FSIP1: variants seen among roughly 807,000 people sequenced by gnomAD.
FSIP1 encodes the protein fibrous sheath-interacting protein 1.
FSIP1 carries 65 observed loss-of-function variants against 60.9 expected under a neutral mutation model. The observed-to-expected ratio is 1.07, with a 90% CI of 0.87 to 1.31. The LOEUF is 1.31. Among genes scored for constraint, FSIP1 ranks in the 40% most tolerant of loss-of-function variants. The pLI is 0.00. For synonymous variants in FSIP1, 209 were observed against 221.2 expected (o/e 0.94, Z 0.49); for missense variants, 675 against 665.5 (o/e 1.01, Z -0.16).
chr15:39,606,804 T>C (rs1157311240), intron 11 of FSIP1, among the ~76,000 whole-genome samples: 1 of 152,240 alleles, frequency 6.6e-6, no homozygotes, highest in African/African-American at 2.4e-5. Flanking sequence ...CTTTATTTTA[T>C]GAATTTCTGT....
chr15:39,603,448 G>A (rs1441971826), intron 11 of FSIP1, among the ~76,000 whole-genome samples: 5 of 152,228 alleles, frequency 3.3e-5, no homozygotes, highest in African/African-American at 1.2e-4. Flanking sequence ...AGGCAGCACT[G>A]GCTAAGGAAC....
chr15:39,648,970 T>C (rs1356022691), intron 10 of FSIP1, among the ~76,000 whole-genome samples: 1 of 152,122 alleles, frequency 6.6e-6, no homozygotes, highest in Non-Finnish European at 1.5e-5. Context: ...GGGTTTTTTG[T>C]AACTTATGGA....
intron 10 of FSIP1, among the ~76,000 whole-genome samples, chr15:39,685,926 CTA>C (rs1397543129): frequency 6.6e-6 from 1 of 152,178 alleles, no homozygotes; most frequent in Admixed American, 6.5e-5. Context: ...GAATGGGAAA[CTA>C]TGATTACACT....
intron 10 of FSIP1, among the ~76,000 whole-genome samples, chr15:39,684,119 G>A (rs1183087513): frequency 6.6e-6 from 1 of 151,976 alleles, no homozygotes; most frequent in Non-Finnish European, 1.5e-5. Flanking sequence ...CAGAAGAACT[G>A]GAATAACCAA....
chr15:39,726,073 T>G (rs1406010909), intron 9 of FSIP1, among the ~76,000 whole-genome samples: 1 of 152,212 alleles, frequency 6.6e-6, no homozygotes, highest in Non-Finnish European at 1.5e-5. Flanking sequence ...ATTATAGGCA[T>G]GAGCCACCGC....
At chr15:39,670,327 G>T (rs1414995440) in intron 10 of FSIP1, among the ~76,000 whole-genome samples, 1 of 152,042 alleles carries the variant, frequency 6.6e-6, no homozygotes, top group Non-Finnish European at 1.5e-5. Flanking sequence ...CTTGCTTGGT[G>T]AACAGAAACA....
chr15:39,609,340 C>T (rs1268511241), intron 11 of FSIP1, among the ~76,000 whole-genome samples: 5 of 152,200 alleles, frequency 3.3e-5, no homozygotes, highest in Non-Finnish European at 5.9e-5. Flanking sequence ...CTTAAGCCTT[C>T]CCCAGGCCAG....
intron 10 of FSIP1, among the ~76,000 whole-genome samples, chr15:39,693,590 C>T (rs1477542854): frequency 6.6e-6 from 1 of 152,194 alleles, no homozygotes; most frequent in African/African-American, 2.4e-5. Context: ...GACTATATTA[C>T]TACCTTTCTC....
chr15:39,639,465 G>A (rs1018765723), intron 10 of FSIP1, among the ~76,000 whole-genome samples: 1 of 152,176 alleles, frequency 6.6e-6, no homozygotes, highest in African/African-American at 2.4e-5. Flanking sequence ...CAGTAACAAC[G>A]AAAATGGATT....
chr15:39,731,271 C>T (rs1339042267), intron 8 of FSIP1, among the ~76,000 whole-genome samples: 1 of 151,920 alleles, frequency 6.6e-6, no homozygotes, highest in Admixed American at 6.6e-5. Context: ...TTCTATTGCT[C>T]TCCCTTGAAA....
intron 1 of FSIP1, among the ~76,000 whole-genome samples, chr15:39,778,880 G>T (rs1269694822): frequency 6.6e-6 from 1 of 151,986 alleles, no homozygotes; most frequent in Non-Finnish European, 1.5e-5. Flanking sequence ...TAACAGACTG[G>T]AAGGAACATA....
chr15:39,607,313 T>C (rs747478355), intron 11 of FSIP1, among the ~76,000 whole-genome samples: 2 of 152,232 alleles, frequency 1.3e-5, no homozygotes, highest in Admixed American at 6.5e-5. Context: ...TTTAAAGGCA[T>C]AGCATTGGAA....
Position 39,628,315 on chromosome 15 carries a change from G to A in FSIP1, c.1189-10070C>T, listed in dbSNP as rs546083643. Among the ~76,000 whole-genome samples, 34 of 152,258 alleles carry A rather than the reference G, an allele frequency of 2.2e-4. 1 individual carries two copies. In the East Asian group the frequency reaches 3.1e-3, roughly 14 times the overall value. ...AGGTCACAGCTTAGGTTGGAGTGTCGAGATAAACAGAAAGAATGACAAGCA... is the reference window on the plus strand; with the variant it reads ...AGGTCACAGCTTAGGTTGGAGTGTCAAGATAAACAGAAAGAATGACAAGCA... On this transcript the variant is annotated intron_variant, in intron 10 of 11. Transcript: ENST00000350221.
At chr15:39,704,712 A>G (rs1025541104) in intron 10 of FSIP1, among the ~76,000 whole-genome samples, 3 of 152,206 alleles carry the variant, frequency 2.0e-5, no homozygotes, top group Non-Finnish European at 4.4e-5. Flanking sequence ...ATGTGTAACA[A>G]TTGAAGGTAG....
chr15:39,724,345 G>A (rs935633432), intron 9 of FSIP1, among the ~76,000 whole-genome samples: 6 of 151,186 alleles, frequency 4.0e-5, no homozygotes, highest in Non-Finnish European at 7.4e-5. Flanking sequence ...TCTGCCTCCC[G>A]AGTTCACGCC....
At chr15:39,621,657 C>G (rs1324514845) in intron 10 of FSIP1, among the ~76,000 whole-genome samples, 2 of 152,098 alleles carry the variant, frequency 1.3e-5, no homozygotes, top group Non-Finnish European at 2.9e-5. Context: ...AGAGTGTAGC[C>G]TGGGTAGAGT....
At chr15:39,602,447 A>T (rs1890675260) in intron 11 of FSIP1, 1 of 449,342 alleles carries the variant, frequency 2.2e-6, no homozygotes, top group South Asian at 1.6e-5. Context: ...AGTTGTTGTG[A>T]CAACCATAGG....
chr15:39,663,740 A>G (rs1893390333), intron 10 of FSIP1, among the ~76,000 whole-genome samples: 1 of 152,232 alleles, frequency 6.6e-6, no homozygotes, highest in African/African-American at 2.4e-5. Context: ...AGGATAAAAT[A>G]CTGTCCAAGG....
At chr15:39,671,354 C>T (rs1893712617) in intron 10 of FSIP1, among the ~76,000 whole-genome samples, 1 of 151,848 alleles carries the variant, frequency 6.6e-6, no homozygotes, top group African/African-American at 2.4e-5. Context: ...GAATTAAATA[C>T]TTGATAAAAG....
Sources: gnomAD v4.1 joint callset for allele counts (sites outside exome capture counted in the v4.1 genomes callset) on GRCh38, gnomAD v4.1.1 for gene constraint, MANE v1.5 for transcripts, NCBI Gene and HGNC (gene_info 2026-07-23, HGNC 2026-07-21) for gene names.